Variants in DMGDH observed in about 807,000 individuals in gnomAD.
DMGDH encodes the protein dimethylglycine dehydrogenase.
DMGDH carries 76 observed loss-of-function variants against 95.2 expected under a neutral mutation model. That is an observed-to-expected ratio of 0.80 (90% CI 0.66 to 0.97). The LOEUF (loss-of-function observed/expected upper bound fraction) is 0.97, where lower values mean the gene tolerates loss of function less well. Ranked by LOEUF, DMGDH falls within the 50% of genes least tolerant of loss-of-function variation. The pLI, the probability that DMGDH is intolerant of heterozygous loss-of-function variation, is 0.00. For synonymous variants in DMGDH, 345 were observed against 377.6 expected (o/e 0.91, Z 1.00); for missense variants, 987 against 1,055.0 (o/e 0.94, Z 0.89).
Position 79,024,271 on chromosome 5 carries a change from C to A in DMGDH, c.2250G>T (p.Lys750Asn). The A allele has an allele frequency of 1.9e-6, 3 of 1,612,692 alleles. No individual in the cohort carries two copies. The highest frequency in any genetic ancestry group is 2.5e-6 in the Non-Finnish European group (3 of 1,178,992). ...AGLEYFVKLNKPADFIGKQAL... is the reference protein window; with the variant it reads ...AGLEYFVKLNNPADFIGKQAL... ...AGCACACTTTGGAATGTAAACATAC[C>A]TTATTTAACTTCACAAAATATTCCA... Residue 750 changes from lysine to asparagine, a missense_variant and splice_region_variant, in exon 14 of 16, where the codon AAG becomes AAT. Physicochemically the swap from Lys to Asn is moderately conservative, Grantham distance 94. Transcript: ENST00000255189.
chr5:79,032,643 C>G (rs1247838155), intron 9 of DMGDH, 44 bp downstream of exon 9: 1 of 1,613,580 alleles, frequency 6.2e-7, no homozygotes, highest in Non-Finnish European at 8.5e-7. Context: ...CCCGTTGTTT[C>G]ACCCCTCGGT....
intron 5 of DMGDH, among the ~76,000 whole-genome samples, chr5:79,050,822 T>C (rs1195234849): frequency 6.6e-6 from 1 of 152,208 alleles, no homozygotes; most frequent in Non-Finnish European, 1.5e-5. Flanking sequence ...TGTTTAATAA[T>C]GTTCTAGAAG....
intron 14 of DMGDH, among the ~76,000 whole-genome samples, chr5:79,012,471 T>C (rs1251905353): frequency 6.6e-6 from 1 of 152,192 alleles, no homozygotes; most frequent in African/African-American, 2.4e-5. Context: ...GTCTAGATGA[T>C]GGTGGCTCTC....
At position 79,005,363 on chromosome 5, in the gene DMGDH, G is replaced by A; in HGVS notation, c.2295C>T (p.Ala765=). 6.2e-7 allele frequency: 1 copy of A among 1,613,994 alleles called. No individual in the cohort carries two copies. The highest frequency in any genetic ancestry group is 2.2e-5 in the East Asian group (1 of 44,880). The change falls in exon 15 of 16, where the codon GCC becomes GCT. Residue 765 remains alanine, a synonymous_variant. Transcript: ENST00000255189. ...AGACCAGTCTTCGTTTCAGCCCCTT[G>A]GCTTTAATCTGTTTCAGTGCTTGCT... ...IGKQALKQIK[A]KGLKRRLVCL...
At chr5:79,006,850 C>CCCTCCCG (rs142991064) in intron 14 of DMGDH, among the ~76,000 whole-genome samples, 1 of 147,568 alleles carries the variant, frequency 6.8e-6, no homozygotes, top group Non-Finnish European at 1.5e-5. Flanking sequence ...CTGAGACCCC[C>CCCTCCCG]CCAGTCCATT....
intron 1 of DMGDH, among the ~76,000 whole-genome samples, chr5:79,068,615 T>C (rs1463230477): frequency 6.6e-6 from 1 of 152,214 alleles, no homozygotes; most frequent in African/African-American, 2.4e-5. Flanking sequence ...GGTCTTCTGA[T>C]TCCAGAATTT....
intron 5 of DMGDH, among the ~76,000 whole-genome samples, chr5:79,045,555 A>G (rs1448431476): frequency 6.6e-6 from 1 of 152,162 alleles, no homozygotes; most frequent in Non-Finnish European, 1.5e-5. Flanking sequence ...TTAAAAATCC[A>G]AGGCACCTTC....
intron 15 of DMGDH, chr5:79,000,667 G>A: frequency 1.6e-6 from 1 of 609,204 alleles, no homozygotes; most frequent in Non-Finnish European, 3.2e-6. Context: ...GCCTGGTTCT[G>A]TCATCTGAGG....
At chr5:79,038,312 C>T (rs1754405259) in intron 7 of DMGDH, among the ~76,000 whole-genome samples, 1 of 151,988 alleles carries the variant, frequency 6.6e-6, no homozygotes, top group South Asian at 2.1e-4. Flanking sequence ...GGGAAAACCC[C>T]ATCTCTACTA....
chr5:79,012,248 G>A (rs1383374956), intron 14 of DMGDH, among the ~76,000 whole-genome samples: 1 of 152,194 alleles, frequency 6.6e-6, no homozygotes, highest in African/African-American at 2.4e-5. Context: ...AAACCCAGCA[G>A]GGAAGTCATT....
chr5:79,069,477 G>A, intron 1 of DMGDH, 43 bp downstream of exon 1: 1 of 1,201,032 alleles, frequency 8.3e-7, no homozygotes, highest in Non-Finnish European at 1.0e-6. Flanking sequence ...TCCCACCCCC[G>A]CAGCCGCCCC....
At chr5:79,018,986 C>T (rs1487806115) in intron 14 of DMGDH, among the ~76,000 whole-genome samples, 2 of 152,112 alleles carry the variant, frequency 1.3e-5, no homozygotes, top group East Asian at 3.8e-4. Context: ...CTCTCCTTCC[C>T]CTTATCACTC....
intron 15 of DMGDH, chr5:79,000,737 T>C (rs865782165): frequency 4.1e-5 from 26 of 628,228 alleles, no homozygotes; most frequent in South Asian, 2.3e-4. Context: ...CTTTCACCAA[T>C]ATTCTGTCAT....
At position 79,054,247 on chromosome 5, in the gene DMGDH, T is replaced by C. The variant is rs1414412560; in HGVS notation, c.477A>G (p.Thr159=). 6.2e-7 allele frequency: 1 copy of C among 1,614,186 alleles called. No individual in the cohort carries two copies. Among genetic ancestry groups the C allele is most frequent in the Non-Finnish European group, 8.5e-7 (1 of 1,180,016 alleles). Residue 159 remains threonine, a synonymous_variant, in exon 4 of 16, where the codon ACA becomes ACG. Transcript: ENST00000255189. ...TTTCAGGTTCAATGAGATACTGTTC[T>C]GTTGCATGCCAGCCAGTCCGAGTCA... ...YQMTRTGWHA[T]EQYLIEPEKI... is the part of the protein sequence containing the mutation.
chr5:79,067,779 C>A (rs1007131823), intron 1 of DMGDH, among the ~76,000 whole-genome samples: 2 of 152,070 alleles, frequency 1.3e-5, no homozygotes, highest in African/African-American at 4.8e-5. Flanking sequence ...TGCAAAAAAC[C>A]CAGGTCAGTT....
intron 2 of DMGDH, among the ~76,000 whole-genome samples, chr5:79,057,293 G>T (rs979966475): frequency 6.6e-6 from 1 of 152,172 alleles, no homozygotes; most frequent in Non-Finnish European, 1.5e-5. Context: ...TCAAATATCT[G>T]GGGCCTCACT....
At chr5:79,019,225 A>T (rs1198207250) in intron 14 of DMGDH, among the ~76,000 whole-genome samples, 3 of 152,198 alleles carry the variant, frequency 2.0e-5, no homozygotes, top group Middle Eastern at 3.2e-3. Context: ...ACTTAAAAAA[A>T]ATTCACTTAC....
chr5:79,015,627 T>A (rs1217350910), intron 14 of DMGDH, among the ~76,000 whole-genome samples: 2 of 152,198 alleles, frequency 1.3e-5, no homozygotes, highest in Non-Finnish European at 2.9e-5. Flanking sequence ...ACAAAACATA[T>A]GTTGTATGGC....
intron 15 of DMGDH, chr5:79,000,169 C>T: frequency 1.7e-6 from 1 of 585,776 alleles, no homozygotes; most frequent in East Asian, 4.4e-5. Flanking sequence ...TGTTGTTCTT[C>T]TCCACTAGTA....
Sources: allele counts gnomAD v4.1 joint callset (sites outside exome capture counted in the v4.1 genomes callset), GRCh38; gene constraint gnomAD v4.1.1; transcripts MANE v1.5; gene names NCBI Gene and HGNC (gene_info 2026-07-23, HGNC 2026-07-21).